Variants in BICC1 observed in about 807,000 individuals in gnomAD.
BICC1 encodes protein bicaudal C homolog 1.
In BICC1, 43 loss-of-function variants were observed where a neutral mutation model predicts 111.0. The ratio of observed to expected loss-of-function variants is 0.39; its 90% CI spans 0.30 to 0.50. BICC1 has a LOEUF of 0.50. Among genes scored for constraint, BICC1 ranks in the 20% least tolerant of loss-of-function variants. BICC1 has a pLI of 0.88. For synonymous variants in BICC1, 467 were observed against 434.4 expected (o/e 1.07, Z -0.93); for missense variants, 1,091 against 1,203.2 (o/e 0.91, Z 1.38).
At chr10:58,787,761 A>C (rs1036962606) in intron 5 of BICC1, among the ~76,000 whole-genome samples, 4 of 152,198 alleles carry the variant, frequency 2.6e-5, no homozygotes, top group African/African-American at 9.7e-5. Flanking sequence ...ACAGAAAGCT[A>C]TAGTAAAAAG....
intron 8 of BICC1, among the ~76,000 whole-genome samples, chr10:58,792,531 C>T (rs556752344): frequency 1.8e-4 from 27 of 152,186 alleles, no homozygotes; most frequent in South Asian, 4.2e-4. Flanking sequence ...CTCACATGAC[C>T]GCCTGAGCTC....
chr10:58,630,496 A>G (rs757468882), intron 2 of BICC1, among the ~76,000 whole-genome samples: 5 of 152,076 alleles, frequency 3.3e-5, no homozygotes, highest in Non-Finnish European at 5.9e-5. Flanking sequence ...TGGCCTGATC[A>G]TAGCTCACTA....
intron 3 of BICC1, among the ~76,000 whole-genome samples, chr10:58,740,097 G>T (rs1841609390): frequency 6.6e-6 from 1 of 152,102 alleles, no homozygotes. Flanking sequence ...AAGAATAATG[G>T]TTCCTACTTC....
At chr10:58,613,626 G>C (rs747761455) in intron 1 of BICC1, among the ~76,000 whole-genome samples, 2 of 151,894 alleles carry the variant, frequency 1.3e-5, no homozygotes, top group Non-Finnish European at 2.9e-5. Context: ...CAGATCTAAC[G>C]GTAGCTGTCC....
intron 3 of BICC1, among the ~76,000 whole-genome samples, chr10:58,748,829 C>G (rs1841908268): frequency 6.6e-6 from 1 of 152,100 alleles, no homozygotes; most frequent in Non-Finnish European, 1.5e-5. Context: ...CCAGTGAGTT[C>G]CCAGGTGAGG....
At chr10:58,735,848 C>T (rs1036590900) in intron 3 of BICC1, among the ~76,000 whole-genome samples, 1 of 152,198 alleles carries the variant, frequency 6.6e-6, no homozygotes, top group Non-Finnish European at 1.5e-5. Context: ...AATGGACTTT[C>T]CATAGGTACC....
intron 14 of BICC1, 48 bp downstream of exon 14, chr10:58,801,094 A>G (rs1478211973): frequency 6.7e-7 from 1 of 1,494,990 alleles, no homozygotes; most frequent in Non-Finnish European, 9.0e-7. Flanking sequence ...GAAATGATAT[A>G]TATTTGTTCT....
chr10:58,569,216 A>G (rs1465727909), intron 1 of BICC1, among the ~76,000 whole-genome samples: 1 of 152,150 alleles, frequency 6.6e-6, no homozygotes, highest in African/African-American at 2.4e-5. Flanking sequence ...TTTACATCTA[A>G]TAATATTCAT....
At chr10:58,525,217 T>C (rs185012935) in intron 1 of BICC1, among the ~76,000 whole-genome samples, 24 of 123,876 alleles carry the variant, frequency 1.9e-4, no homozygotes, top group Middle Eastern at 3.8e-3. Context: ...ACTGGGTATA[T>C]ACCCAAAGGA....
chr10:58,638,944 T>C (rs1328512065), intron 2 of BICC1, among the ~76,000 whole-genome samples: 1 of 142,120 alleles, frequency 7.0e-6, no homozygotes, highest in Non-Finnish European at 1.5e-5. Context: ...TGCTTTCATC[T>C]TTTTCTTTCT....
intron 2 of BICC1, among the ~76,000 whole-genome samples, chr10:58,631,523 A>C (rs907082642): frequency 6.6e-6 from 1 of 152,124 alleles, no homozygotes; most frequent in African/African-American, 2.4e-5. Flanking sequence ...AAAATTATCA[A>C]GAAATGTGTA....
At chr10:58,729,506 T>C (rs1589071654) in intron 3 of BICC1, among the ~76,000 whole-genome samples, 2 of 152,206 alleles carry the variant, frequency 1.3e-5, no homozygotes, top group Admixed American at 6.5e-5. Flanking sequence ...TCACTAAAAC[T>C]TTCTTCATAT....
At position 58,672,600 on chromosome 10, in the gene BICC1, G is replaced by A. The variant is rs115390320; in HGVS notation, c.238-29474G>A. On this transcript the variant is annotated intron_variant, in intron 2 of 20. Transcript: ENST00000373886. ...ACACTTAACTTTGTAATTATATATC[G>A]GCAAGTGGTGTTTGACAGTTTGTTT... 8.1e-3 allele frequency among the ~76,000 whole-genome samples: 1,227 copies of A among 152,082 alleles called. 20 individuals carry two copies. Among genetic ancestry groups the A allele is most frequent in the African/African-American group, 0.028 (1,174 of 41,488 alleles).
chr10:58,676,520 G>A (rs992189046), intron 2 of BICC1, among the ~76,000 whole-genome samples: 10 of 152,164 alleles, frequency 6.6e-5, no homozygotes, highest in African/African-American at 2.4e-4. Flanking sequence ...TCTGGGCAGG[G>A]AATCTCTGAA....
chr10:58,589,144 C>T (rs1445347757), intron 1 of BICC1, among the ~76,000 whole-genome samples: 2 of 152,168 alleles, frequency 1.3e-5, no homozygotes, highest in Non-Finnish European at 2.9e-5. Context: ...CTGCAGAATT[C>T]GTCCTGTGGC....
chr10:58,745,905 C>T (rs553257682), intron 3 of BICC1, among the ~76,000 whole-genome samples: 1 of 152,032 alleles, frequency 6.6e-6, no homozygotes, highest in South Asian at 2.1e-4. Flanking sequence ...TGTGTTTTTA[C>T]CTCATGCTAT....
At chr10:58,823,117 T>C in intron 20 of BICC1, 1 of 465,506 alleles carries the variant, frequency 2.1e-6, no homozygotes, top group Non-Finnish European at 2.8e-6. Context: ...AATATTTTCA[T>C]GATTGGTCAA....
chr10:58,591,493 C>T (rs1235753075), intron 1 of BICC1, among the ~76,000 whole-genome samples: 1 of 152,142 alleles, frequency 6.6e-6, no homozygotes, highest in African/African-American at 2.4e-5. Context: ...CAAAGGACCT[C>T]TCTAGGTTCT....
chr10:58,559,368 A>G (rs1843543711), intron 1 of BICC1, among the ~76,000 whole-genome samples: 2 of 152,002 alleles, frequency 1.3e-5, no homozygotes, highest in Admixed American at 1.3e-4. Flanking sequence ...GATATTGTAA[A>G]TGAGATTGCT....
Sources: allele counts gnomAD v4.1 joint callset (sites outside exome capture counted in the v4.1 genomes callset), GRCh38; gene constraint gnomAD v4.1.1; transcripts MANE v1.5; gene names NCBI Gene and HGNC (gene_info 2026-07-23, HGNC 2026-07-21).